ATP2C2: variants seen among roughly 807,000 people sequenced by gnomAD.
ATP2C2 encodes calcium-transporting ATPase type 2C member 2.
In ATP2C2, 171 loss-of-function variants were observed where a neutral mutation model predicts 110.8. That is an observed-to-expected ratio of 1.54 (90% CI 1.36 to 1.75). ATP2C2 has a LOEUF of 1.75. ATP2C2 is among the 40% of genes most tolerant of loss of function. The pLI, the probability that ATP2C2 is intolerant of heterozygous loss-of-function variation, is 0.00. For synonymous variants in ATP2C2, 804 were observed against 508.4 expected, an observed-to-expected ratio of 1.58 and a Z score of -7.82; for missense variants, 1,963 against 1,235.0, an observed-to-expected ratio of 1.59 and a Z score of -8.84.
At chr16:84,386,285 A>G (rs1484587619) in intron 1 of ATP2C2, among the ~76,000 whole-genome samples, 4 of 152,292 alleles carry the variant, frequency 2.6e-5, no homozygotes, top group Non-Finnish European at 2.9e-5. Flanking sequence ...TGCGAGATCT[A>G]TATTTAGTTT....
intron 26 of ATP2C2, among the ~76,000 whole-genome samples, chr16:84,463,368 C>A (rs1191163500): frequency 6.6e-6 from 1 of 152,148 alleles, no homozygotes; most frequent in East Asian, 1.9e-4. Context: ...ATGCTCCCAG[C>A]TGCCTGCCAG....
intron 26 of ATP2C2, among the ~76,000 whole-genome samples, chr16:84,463,182 ACGCTGGGAATTCATCCCAGGGAACATGT>A (rs58282771): frequency 0.61 from 82,464 of 134,920 alleles, 23,327 homozygotes; most frequent in East Asian, 0.88. Flanking sequence ...GCAGAGGGAG[ACGCTGGGAATTCATCCCAGGGAACATGT>A]CGCTGGGAAT....
At position 84,459,541 on chromosome 16, in the gene ATP2C2, T is replaced by A. The variant is rs752127210; in HGVS notation, c.2333+155T>A. On this transcript the variant is annotated intron_variant, in intron 23 of 26. Coordinates refer to ENST00000262429, the MANE Select transcript of ATP2C2 (RefSeq NM_014861.4). ...AAAACTGAAGTGTGTTGCACTGCAG[T>A]GAGACTGGGAGTAGAAGGCAGAGGA... The A allele has an allele frequency of 5.6e-5, 86 of 1,540,750 alleles. No homozygotes were observed. The East Asian group carries it at 2.1e-3, about 37-fold the overall frequency.
intron 11 of ATP2C2, 103 bp downstream of exon 11, chr16:84,425,904 T>C: frequency 2.1e-6 from 3 of 1,438,682 alleles, no homozygotes; most frequent in East Asian, 2.3e-5. Context: ...ATAGGAAGGG[T>C]TGGGAAGGTG....
chr16:84,370,611 T>A (rs1206086881), intron 1 of ATP2C2, among the ~76,000 whole-genome samples: 8 of 151,708 alleles, frequency 5.3e-5, no homozygotes, highest in African/African-American at 1.9e-4. Context: ...AACTCCTTTC[T>A]CCCAGGGTTT....
intron 3 of ATP2C2, 94 bp downstream of exon 3, chr16:84,405,338 T>C: frequency 9.1e-7 from 1 of 1,101,474 alleles, no homozygotes; most frequent in South Asian, 1.5e-5. Context: ...GAAGGCATCC[T>C]TGGACAGCTC....
chr16:84,429,113 C>G (rs1243568122), intron 11 of ATP2C2, among the ~76,000 whole-genome samples: 1 of 150,570 alleles, frequency 6.6e-6, no homozygotes, highest in East Asian at 1.9e-4. Context: ...GCTTAATATC[C>G]TGAACAGAAC....
intron 13 of ATP2C2, among the ~76,000 whole-genome samples, chr16:84,439,908 C>T (rs757880536): frequency 8.5e-5 from 13 of 152,200 alleles, no homozygotes; most frequent in Non-Finnish European, 1.8e-4. Context: ...GATCTCTGCT[C>T]ACTGTAACCT....
intron 1 of ATP2C2, among the ~76,000 whole-genome samples, chr16:84,390,101 C>G (rs577948237): frequency 6.6e-6 from 1 of 152,324 alleles, no homozygotes; most frequent in South Asian, 2.1e-4. Context: ...GGGGAGGAAA[C>G]TGAGGCACGG....
intron 11 of ATP2C2, among the ~76,000 whole-genome samples, chr16:84,428,039 T>C (rs1043790540): frequency 2.6e-5 from 4 of 152,192 alleles, no homozygotes; most frequent in African/African-American, 7.2e-5. Context: ...AATTTATATA[T>C]GAAGAGTAAA....
intron 7 of ATP2C2, among the ~76,000 whole-genome samples, chr16:84,421,037 T>G (rs57454078): frequency 0.24 from 36,053 of 152,072 alleles, 4,596 homozygotes; most frequent in Non-Finnish European, 0.29. Context: ...AACTCCTGAC[T>G]TCAAGTGATC....
At chr16:84,441,895 C>T (rs771719797) in intron 14 of ATP2C2, among the ~76,000 whole-genome samples, 2 of 151,918 alleles carry the variant, frequency 1.3e-5, no homozygotes, top group African/African-American at 2.4e-5. Flanking sequence ...TGCACTCCAC[C>T]CTGGGTAATA....
At chr16:84,424,361 C>G (rs1013724973) in intron 10 of ATP2C2, among the ~76,000 whole-genome samples, 2 of 152,190 alleles carry the variant, frequency 1.3e-5, no homozygotes, top group South Asian at 4.2e-4. Flanking sequence ...TCACTGCACC[C>G]TCTGCCTCCT....
chr16:84,432,079 G>T (rs553972346), intron 11 of ATP2C2, among the ~76,000 whole-genome samples: 1 of 152,200 alleles, frequency 6.6e-6, no homozygotes, highest in East Asian at 1.9e-4. Flanking sequence ...CCAACTCGGG[G>T]CTGGGTGGGG....
intron 11 of ATP2C2, among the ~76,000 whole-genome samples, chr16:84,430,655 A>G (rs901308603): frequency 8.5e-5 from 12 of 141,104 alleles, no homozygotes; most frequent in African/African-American, 3.1e-4. Context: ...AAAAAAAAAA[A>G]AAGTCAGTTC....
chr16:84,405,007 G>T, intron 2 of ATP2C2, 121 bp from the exon 3 acceptor site: 1 of 855,588 alleles, frequency 1.2e-6, no homozygotes, highest in Non-Finnish European at 2.0e-6. Flanking sequence ...CACCTTGGTG[G>T]ACAAGCCTGT....
intron 1 of ATP2C2, among the ~76,000 whole-genome samples, chr16:84,375,279 C>T (rs926159924): frequency 6.6e-6 from 1 of 152,262 alleles, no homozygotes; most frequent in Non-Finnish European, 1.5e-5. Context: ...CAGTGGGTCA[C>T]GCCTGTAATC....
chr16:84,389,124 C>G (rs1178031819), intron 1 of ATP2C2, among the ~76,000 whole-genome samples: 1 of 152,160 alleles, frequency 6.6e-6, no homozygotes, highest in Non-Finnish European at 1.5e-5. Context: ...TTCTCTGCCT[C>G]TTCTCTTTCT....
chr16:84,381,172 G>T (rs1910560567), intron 1 of ATP2C2, among the ~76,000 whole-genome samples: 2 of 152,188 alleles, frequency 1.3e-5, no homozygotes, highest in African/African-American at 4.8e-5. Flanking sequence ...GTTACGTTTT[G>T]CGTGCAGGGG....
Sources: allele counts gnomAD v4.1 joint callset (sites outside exome capture counted in the v4.1 genomes callset), GRCh38; gene constraint gnomAD v4.1.1; transcripts MANE v1.5; gene names NCBI Gene and HGNC (gene_info 2026-07-23, HGNC 2026-07-21).